The following TMEM178A variants were observed in gnomAD, a reference collection of about 807,000 sequenced individuals.
The protein encoded by TMEM178A is transmembrane protein 178.
Under a neutral mutation model 29.1 loss-of-function variants are expected in TMEM178A, and 12 were observed. The ratio of observed to expected loss-of-function variants is 0.41; its 90% CI spans 0.26 to 0.67. The LOEUF is 0.67. Ranked by LOEUF, TMEM178A falls within the 30% of genes least tolerant of loss-of-function variation. The pLI is 0.29. For missense variants in TMEM178A, 366 were observed against 419.1 expected (o/e 0.87, Z 1.11); for synonymous variants, 210 against 187.2 (o/e 1.12, Z -0.99).
At chr2:39,720,715 C>G (rs989141983), downstream of TMEM178A, among the ~76,000 whole-genome samples, 1 of 152,168 alleles carries the variant, frequency 6.6e-6, no homozygotes, top group African/African-American at 2.4e-5. Flanking sequence ...TTTGTGGAAT[C>G]AATACATGGA....
At chr2:39,697,833 A>T (rs1671611787) in intron 1 of TMEM178A, 2 of 152,236 alleles carry the variant, frequency 1.3e-5, no homozygotes, top group Admixed American at 1.3e-4. Flanking sequence ...GGAACAGAGG[A>T]GGAGATGGGT....
chr2:39,689,690 C>A (rs1671230749), intron 1 of TMEM178A, among the ~76,000 whole-genome samples: 1 of 152,142 alleles, frequency 6.6e-6, no homozygotes, highest in Non-Finnish European at 1.5e-5. Context: ...ATCCACAGAA[C>A]TGTACACTTA....
At chr2:39,705,658 C>T (rs1289088195) in intron 2 of TMEM178A, among the ~76,000 whole-genome samples, 2 of 152,224 alleles carry the variant, frequency 1.3e-5, no homozygotes, top group African/African-American at 4.8e-5. Context: ...AAGGGATGGT[C>T]TCTCTGTGGC....
chr2:39,721,883 C>T (rs183284449), downstream of TMEM178A, among the ~76,000 whole-genome samples: 280 of 147,878 alleles, frequency 1.9e-3, 2 homozygotes, highest in African/African-American at 6.5e-3. Context: ...CTTAGCTACT[C>T]GGCAGGCTGG....
intron 1 of TMEM178A, among the ~76,000 whole-genome samples, chr2:39,698,749 A>G (rs1671660816): frequency 6.6e-6 from 1 of 151,944 alleles, no homozygotes; most frequent in Non-Finnish European, 1.5e-5. Flanking sequence ...TTCTTCCTTA[A>G]ACATTTGGTT....
the TMEM178A span, among the ~76,000 whole-genome samples, chr2:39,725,657 G>A: frequency 6.6e-6 from 1 of 152,182 alleles, no homozygotes; most frequent in Non-Finnish European, 1.5e-5. Context: ...AATGTGTGTT[G>A]AAGGAATGAG....
chr2:39,682,078 A>G (rs1670892335), intron 1 of TMEM178A, among the ~76,000 whole-genome samples: 1 of 152,184 alleles, frequency 6.6e-6, no homozygotes, highest in Admixed American at 6.5e-5. Context: ...GCTTTCTAAC[A>G]GTTTACCTTT....
chr2:39,679,195 G>T (rs1670762083), intron 1 of TMEM178A, among the ~76,000 whole-genome samples: 1 of 152,172 alleles, frequency 6.6e-6, no homozygotes. Context: ...TTGGGCACAT[G>T]GCGATCTGCC....
chr2:39,725,082 T>C, the TMEM178A span, among the ~76,000 whole-genome samples: 1 of 151,998 alleles, frequency 6.6e-6, no homozygotes, highest in East Asian at 1.9e-4. Context: ...AAAGTAACAG[T>C]TTAAAGAGTG....
upstream of TMEM178A, chr2:39,665,545 G>T: frequency 6.0e-6 from 1 of 167,172 alleles, no homozygotes; most frequent in Non-Finnish European, 1.3e-5. Context: ...GGAAAGTAGG[G>T]ACAGGGTTAA....
intron 1 of TMEM178A, among the ~76,000 whole-genome samples, chr2:39,666,701 T>A (rs566396428): frequency 6.6e-6 from 1 of 152,308 alleles, no homozygotes; most frequent in African/African-American, 2.4e-5. Context: ...CTTCTCTGCC[T>A]TTGTACACCT....
At chr2:39,731,200 T>C in the TMEM178A span, among the ~76,000 whole-genome samples, 1 of 152,220 alleles carries the variant, frequency 6.6e-6, no homozygotes, top group Non-Finnish European at 1.5e-5. Context: ...GAGTAAATAG[T>C]TATTCCAGTG....
rs138371334 is a variant in TMEM178A at position 39,685,079 on chromosome 2, A to G, written c.400+18705A>G. ...GTTTTTTGCTTGTTTTAAAAAATCA[A>G]TTCTGATCATGCCTTTTCCTAGTTT... On this transcript the variant is annotated intron_variant, in intron 1 of 3. Coordinates refer to ENST00000281961, the MANE Select transcript of TMEM178A (RefSeq NM_152390.3). Among the ~76,000 whole-genome samples, 477 of 152,298 alleles carry G rather than the reference A, an allele frequency of 3.1e-3. 5 individuals are homozygous for G. Among genetic ancestry groups the G allele is most frequent in the African/African-American group, 0.01 (420 of 41,566 alleles).
intron 1 of TMEM178A, among the ~76,000 whole-genome samples, chr2:39,694,179 A>ATAATAC (rs1285561180): frequency 4.7e-5 from 7 of 150,126 alleles, no homozygotes; most frequent in Non-Finnish European, 7.4e-5. Context: ...AATAATAATA[A>ATAATAC]TAATAATTAA....
At chr2:39,694,192 C>T (rs530275585) in intron 1 of TMEM178A, among the ~76,000 whole-genome samples, 5 of 124,002 alleles carry the variant, frequency 4.0e-5, no homozygotes, top group South Asian at 5.3e-4. Flanking sequence ...ATAATTAAAG[C>T]GAACACTAAT....
At chr2:39,695,766 G>A (rs1360709012) in intron 1 of TMEM178A, among the ~76,000 whole-genome samples, 2 of 152,074 alleles carry the variant, frequency 1.3e-5, no homozygotes, top group Admixed American at 6.5e-5. Context: ...GACAGAGCCA[G>A]TCAATGAAAA....
intron 1 of TMEM178A, among the ~76,000 whole-genome samples, chr2:39,694,334 A>T (rs1048560800): frequency 1.3e-5 from 2 of 152,142 alleles, no homozygotes; most frequent in East Asian, 3.8e-4. Context: ...CCAAAATGCA[A>T]ATCCAGCCTG....
intron 1 of TMEM178A, among the ~76,000 whole-genome samples, chr2:39,693,148 AAAC>A (rs1376268886): frequency 6.6e-6 from 1 of 152,144 alleles, no homozygotes; most frequent in Non-Finnish European, 1.5e-5. Flanking sequence ...TGAAAACAAA[AAAC>A]AACAACAACA....
At chr2:39,727,887 T>C in the TMEM178A span, among the ~76,000 whole-genome samples, 1 of 152,216 alleles carries the variant, frequency 6.6e-6, no homozygotes, top group Non-Finnish European at 1.5e-5. Flanking sequence ...GCAAAGGACA[T>C]GAACTCATCC....
Sources: gnomAD v4.1 joint callset for allele counts (sites outside exome capture counted in the v4.1 genomes callset) on GRCh38, gnomAD v4.1.1 for gene constraint, MANE v1.5 for transcripts, NCBI Gene and HGNC (gene_info 2026-07-23, HGNC 2026-07-21) for gene names.